The following DOK2 variants were observed in gnomAD, a reference collection of about 807,000 sequenced individuals.
The protein encoded by DOK2 is docking protein 2, 56kD.
Under a neutral mutation model 26.0 loss-of-function variants are expected in DOK2, and 28 were observed. That is an observed-to-expected ratio of 1.08 (90% CI 0.80 to 1.48). DOK2 has a LOEUF of 1.48. Among genes scored for constraint, DOK2 ranks in the 40% most tolerant of loss-of-function variants. The pLI is 0.00. For missense variants in DOK2, 682 were observed against 558.2 expected (o/e 1.22, Z -2.23); for synonymous variants, 282 against 236.9 (o/e 1.19, Z -1.75).
At chr8:21,911,799 G>T (rs945271695) in intron 3 of DOK2, 102 bp downstream of exon 3, 3 of 1,285,230 alleles carry the variant, frequency 2.3e-6, no homozygotes, top group Non-Finnish European at 3.1e-6. Context: ...TAACCACAAG[G>T]CAGGAAGACT....
In DOK2 at chr8:21,910,858, C is replaced by T; in HGVS notation, c.434-1G>A. 6.2e-7 allele frequency: 1 copy of T among 1,600,392 alleles called. No homozygotes were observed. Among genetic ancestry groups the T allele is most frequent in the Non-Finnish European group, 8.5e-7 (1 of 1,172,596 alleles). ...ACAGCAAATTCCTTGTGGGGGCCGA[C>T]TGGGGAGAAGAAGAGAGAGAAGGCG... is the stretch of plus-strand genomic sequence containing the variant. On this transcript the variant is annotated splice_acceptor_variant, in intron 3 of 4. Coordinates refer to ENST00000276420, the MANE Select transcript of DOK2 (RefSeq NM_003974.4). LOFTEE classifies it high-confidence loss of function.
Position 21,909,232 on chromosome 8 carries a change from G to A in DOK2, c.*79C>T. The A allele has an allele frequency of 1.3e-6, 2 of 1,481,688 alleles. No individual in the cohort carries two copies. Among genetic ancestry groups the A allele is most frequent in the South Asian group, 1.4e-5 (1 of 72,142 alleles). 91.8% of individuals were successfully genotyped at this position (1,481,688 alleles called of 1,614,324 possible). Reference sequence around the variant, plus strand: ...GCCTCGGGCTCCAGAAGGGGCAGAGGAGGTTCTTCTGATGCAGTGGCCAGG... The same window carrying A: ...GCCTCGGGCTCCAGAAGGGGCAGAGAAGGTTCTTCTGATGCAGTGGCCAGG... On this transcript the variant is annotated 3_prime_UTR_variant, in exon 5 of 5. Transcript: ENST00000276420.
At position 21,912,466 on chromosome 8, in the gene DOK2, G is replaced by A. The variant is rs375699639; in HGVS notation, c.108C>T (p.Cys36=). 41 of 1,562,690 alleles carry A rather than the reference G, an allele frequency of 2.6e-5. No homozygotes were observed. The East Asian group carries it at 6.2e-4, about 24-fold the overall frequency. ...CCTGCAGCTCCAGCCGGGCCAAGGC[G>A]CAGTCCGACCCTCCATACAGTGAGG... is the stretch of plus-strand genomic sequence containing the variant. ...FGASLYGGSD[C]ALARLELQEG... Residue 36 remains cysteine, a synonymous_variant, in exon 2 of 5, where the codon TGC becomes TGT. Transcript: ENST00000276420.
intron 4 of DOK2, 71 bp downstream of exon 4, chr8:21,910,602 C>A: frequency 6.3e-7 from 1 of 1,580,470 alleles, no homozygotes. Context: ...CATCCCCTCG[C>A]TGCTTCTCAC....
Position 21,909,419 on chromosome 8 carries a change from G to A in DOK2, c.1131C>T (p.Asp377=). 8 of 1,612,402 alleles carry A rather than the reference G, an allele frequency of 5.0e-6. No individual in the cohort carries two copies. Among genetic ancestry groups the A allele is most frequent in the Admixed American group, 1.7e-5 (1 of 59,904 alleles). Residue 377 remains aspartate (D), a synonymous_variant, in exon 5 of 5, where the codon GAC becomes GAT. Transcript: ENST00000276420. The part of the protein sequence containing the change: ...AWRRQATADR[D]PAGLQHVQPA... ...GCTGGACATGCTGGAGGCCAGCAGGGTCCCTGTCAGCTGTCGCCTGCCTCC... is the reference window on the plus strand; with the variant it reads ...GCTGGACATGCTGGAGGCCAGCAGGATCCCTGTCAGCTGTCGCCTGCCTCC...
At chr8:21,911,469 G>A (rs769866636) in intron 3 of DOK2, among the ~76,000 whole-genome samples, 1 of 152,174 alleles carries the variant, frequency 6.6e-6, no homozygotes, top group Non-Finnish European at 1.5e-5. Context: ...TTAGCCAGGC[G>A]TGGTGGCCGA....
Position 21,910,700 on chromosome 8 carries a change from C to A in DOK2, c.591G>T (p.Arg197Ser), listed in dbSNP as rs1809806276. 1.4e-5 allele frequency: 22 copies of A among 1,614,130 alleles called. No homozygotes were observed. Among genetic ancestry groups the A allele is most frequent in the Non-Finnish European group, 1.8e-5 (21 of 1,180,038 alleles). The change falls in exon 4 of 5, where the codon AGG becomes AGT. Residue 197 changes from arginine to serine, a missense_variant. Coordinates refer to ENST00000276420, the MANE Select transcript of DOK2 (RefSeq NM_003974.4). ...PGTQLYDWPY[R>S]FLRRFGRDKV... ...TGTCCCGCCCAAAGCGCCGCAGAAACCTGTAGGGCCAGTCGTACAGCTGGG... is the reference window on the plus strand; with the variant it reads ...TGTCCCGCCCAAAGCGCCGCAGAAAACTGTAGGGCCAGTCGTACAGCTGGG...
chr8:21,913,198 C>T (rs1282559172), intron 1 of DOK2, among the ~76,000 whole-genome samples: 2 of 152,200 alleles, frequency 1.3e-5, no homozygotes, highest in Non-Finnish European at 2.9e-5. Context: ...TAAACTGTCC[C>T]TCCAGCTGCC....
chr8:21,912,546 A>C (rs1809900720), intron 1 of DOK2, 36 bp from the exon 2 acceptor site: 1 of 1,463,414 alleles, frequency 6.8e-7, no homozygotes, highest in Non-Finnish European at 9.0e-7. Flanking sequence ...GGCGGGAGGG[A>C]GCCACCCAGA....
chr8:21,913,386 A>G (rs891649561), intron 1 of DOK2, among the ~76,000 whole-genome samples, 153 bp downstream of exon 1: 2 of 151,674 alleles, frequency 1.3e-5, no homozygotes, highest in African/African-American at 4.8e-5. Flanking sequence ...GTCGGGTAGG[A>G]AAAGAGCCCT....
rs1471058310 is a variant in DOK2, at chr8:21,912,487, T to C, written c.87A>G (p.Ser29=). ...FGKKWRRFGA[S]LYGGSDCALA... ...AGGCGCAGTCCGACCCTCCATACAG[T>C]GAGGCGCCGAAGCGGCGCCATTTCT... Residue 29 remains serine (S), a synonymous_variant, in exon 2 of 5, where the codon TCA becomes TCG. Transcript: ENST00000276420. 39 of 1,537,818 alleles carry C rather than the reference T, an allele frequency of 2.5e-5. No homozygotes were observed. Among genetic ancestry groups the C allele is most frequent in the Non-Finnish European group, 3.3e-5 (38 of 1,143,434 alleles).
chr8:21,910,114 T>C (rs1223084398), intron 4 of DOK2, among the ~76,000 whole-genome samples, 183 bp from the exon 5 acceptor site: 1 of 152,022 alleles, frequency 6.6e-6, no homozygotes, highest in East Asian at 1.9e-4. Context: ...CCCTGGTAGC[T>C]GGGACTACAG....
Position 21,909,820 on chromosome 8 carries a change from C to A in DOK2, c.730G>T (p.Ala244Ser), listed in dbSNP as rs770901974. Residue 244 changes from alanine (A) to serine (S), a missense_variant, in exon 5 of 5, where the codon GCC becomes TCC. Transcript: ENST00000276420. ...IFLALEEAIS[A>S]QKNAAPATPQ... ...GTAGCGGGTGCAGCATTCTTCTGGG[C>A]AGAGATGGCCTCTTCCAGGGCCAAG... 1.2e-5 allele frequency: 20 copies of A among 1,613,888 alleles called. No homozygotes were observed. Among genetic ancestry groups the A allele is most frequent in the Non-Finnish European group, 1.7e-5 (20 of 1,180,006 alleles).
intron 4 of DOK2, 95 bp from the exon 5 acceptor site, chr8:21,910,026 G>C: frequency 7.2e-7 from 1 of 1,383,338 alleles, no homozygotes; most frequent in Admixed American, 2.5e-5. Context: ...TGTGTCTCCA[G>C]GCTGGAGTGC....
At position 21,910,727 on chromosome 8, in the gene DOK2, C is replaced by A; in HGVS notation, c.564G>T (p.Gly188=). 6.2e-7 allele frequency: 1 copy of A among 1,614,114 alleles called. No individual in the cohort carries two copies. Among genetic ancestry groups the A allele is most frequent in the Non-Finnish European group, 8.5e-7 (1 of 1,180,036 alleles). ...ALELWGGPEP[G]TQLYDWPYRF... ...TGTAGGGCCAGTCGTACAGCTGGGT[C>A]CCTGGCTCGGGCCCACCCCACAGCT... Residue 188 remains glycine (G), a synonymous_variant, in exon 4 of 5, where the codon GGG becomes GGT. Coordinates refer to ENST00000276420, the MANE Select transcript of DOK2 (RefSeq NM_003974.4).
In DOK2 at chr8:21,909,381, T is replaced by C; in HGVS notation, c.1169A>G (p.Asp390Gly). ...TGGCTGCCAGCCAGAAGCAGAGAAA[T>C]CCTGCCCGGCTGGCTGGACATGCTG... The part of the protein sequence containing the change: ...GLQHVQPAGQ[D>G]FSASGWQPGT... Residue 390 changes from aspartate (D) to glycine (G), a missense_variant, in exon 5 of 5, where the codon GAT becomes GGT. Transcript: ENST00000276420. 6.3e-7 allele frequency: 1 copy of C among 1,591,760 alleles called. No homozygotes were observed. Among genetic ancestry groups the C allele is most frequent in the South Asian group, 1.1e-5 (1 of 87,810 alleles).
intron 1 of DOK2, 21 bp from the exon 2 acceptor site, chr8:21,912,531 G>T: frequency 1.4e-6 from 2 of 1,480,484 alleles, no homozygotes; most frequent in Non-Finnish European, 8.9e-7. Context: ...GGCGTGGGAG[G>T]CGGGGGCGGG....
rs1809755612 is a variant in DOK2, at chr8:21,909,731, C to A, written c.819G>T (p.Arg273=). 1 of 1,613,612 alleles carries A rather than the reference C, an allele frequency of 6.2e-7. No homozygotes were observed. Among genetic ancestry groups the A allele is most frequent in the Non-Finnish European group, 8.5e-7 (1 of 1,180,018 alleles). Reference sequence around the variant, plus strand: ...AAGGCGGCGGCAGTGAGTCATGCGGCCGAGAGTAGGGGCTATCAGGCCGGG... The same window carrying A: ...AAGGCGGCGGCAGTGAGTCATGCGGACGAGAGTAGGGGCTATCAGGCCGGG... ...SLPRPDSPYS[R]PHDSLPPPSP... Residue 273 remains arginine (R), a synonymous_variant, in exon 5 of 5, where the codon CGG becomes CGT. Coordinates refer to ENST00000276420, the MANE Select transcript of DOK2 (RefSeq NM_003974.4).
intron 1 of DOK2, 126 bp downstream of exon 1, chr8:21,913,413 G>T: frequency 8.9e-7 from 1 of 1,124,146 alleles, no homozygotes; most frequent in East Asian, 2.5e-5. Context: ...GTTGAGCTCT[G>T]GGTCTAACTT....
Sources: gnomAD v4.1 joint callset for allele counts (sites outside exome capture counted in the v4.1 genomes callset) on GRCh38, gnomAD v4.1.1 for gene constraint, MANE v1.5 for transcripts, NCBI Gene and HGNC (gene_info 2026-07-23, HGNC 2026-07-21) for gene names.